The following WNT7A variants were observed in gnomAD, a reference collection of about 807,000 sequenced individuals.
The protein encoded by WNT7A is Wnt family member 7A, also known as protein Wnt-7a.
Under a neutral mutation model 28.2 loss-of-function variants are expected in WNT7A, and 16 were observed. The observed-to-expected ratio is 0.57, with a 90% CI of 0.38 to 0.86. The LOEUF is 0.86. WNT7A is among the 40% of genes least tolerant of loss of function. The pLI is 0.00. For synonymous variants in WNT7A, 190 were observed against 195.9 expected (o/e 0.97, Z 0.25); for missense variants, 411 against 489.7 (o/e 0.84, Z 1.52).
chr3:13,875,799 C>T (rs965487015), intron 1 of WNT7A: 4 of 156,168 alleles, frequency 2.6e-5, no homozygotes, highest in Non-Finnish European at 4.3e-5. Context: ...TATCCCACTC[C>T]GGGCATGACT....
intron 3 of WNT7A, among the ~76,000 whole-genome samples, chr3:13,828,628 G>C (rs927077163): frequency 3.3e-5 from 5 of 152,178 alleles, no homozygotes; most frequent in Non-Finnish European, 7.3e-5. Flanking sequence ...GGACTGGTTT[G>C]CCTAAAAAGG....
At chr3:13,860,140 G>A (rs1325144790) in intron 2 of WNT7A, among the ~76,000 whole-genome samples, 1 of 152,162 alleles carries the variant, frequency 6.6e-6, no homozygotes, top group African/African-American at 2.4e-5. Context: ...CCCATGCTTG[G>A]TCCTCTGTGA....
chr3:13,841,825 G>C (rs536730687), intron 3 of WNT7A, among the ~76,000 whole-genome samples: 1 of 152,176 alleles, frequency 6.6e-6, no homozygotes, highest in African/African-American at 2.4e-5. Flanking sequence ...AAAACAAAAC[G>C]TGGAAGGGAA....
chr3:13,832,446 C>T (rs1350016403), intron 3 of WNT7A, among the ~76,000 whole-genome samples: 1 of 149,088 alleles, frequency 6.7e-6, no homozygotes, highest in Non-Finnish European at 1.5e-5. Context: ...TCAAGCTTCT[C>T]CTTCTTCCCA....
intron 2 of WNT7A, among the ~76,000 whole-genome samples, chr3:13,869,311 A>AAGAGGGAGGGAGGGAG (rs1222875938): frequency 1.5e-5 from 2 of 137,754 alleles, no homozygotes; most frequent in Non-Finnish European, 3.1e-5. Context: ...GGAAGAGGGA[A>AAGAGGGAGGGAGGGAG]AGAGGGAGGG....
At chr3:13,854,838 T>C in intron 2 of WNT7A, 35 bp from the exon 3 acceptor site, 1 of 1,608,366 alleles carries the variant, frequency 6.2e-7, no homozygotes, top group East Asian at 2.2e-5. Context: ...CAAGTTGGGG[T>C]CAGGTCCCAA....
chr3:13,860,283 C>A (rs770470054), intron 2 of WNT7A, among the ~76,000 whole-genome samples: 5 of 152,020 alleles, frequency 3.3e-5, no homozygotes, highest in Non-Finnish European at 7.4e-5. Context: ...AATTCAAGGC[C>A]CAAGTTGGTC....
intron 2 of WNT7A, among the ~76,000 whole-genome samples, chr3:13,855,840 A>T (rs1442397442): frequency 6.6e-6 from 1 of 152,016 alleles, no homozygotes; most frequent in Non-Finnish European, 1.5e-5. Context: ...AGGCCCTGGA[A>T]CCCAGAGCAG....
Position 13,879,766 on chromosome 3 carries a change from G to A in WNT7A, c.51C>T (p.Gly17=). ...CTTACCCGATCCGGAGGTAGACCAT[G>A]CCCAGGCTGAGAAAGAGGTGGCCCA... ...RCLGHLFLSL[G]MVYLRIGGFS... Residue 17 remains glycine, a synonymous_variant, in exon 1 of 4, where the codon GGC becomes GGT. Coordinates refer to ENST00000285018, the MANE Select transcript of WNT7A (RefSeq NM_004625.4). 6.2e-7 allele frequency: 1 copy of A among 1,612,814 alleles called. No homozygotes were observed. Among genetic ancestry groups the A allele is most frequent in the Non-Finnish European group, 8.5e-7 (1 of 1,179,294 alleles).
In WNT7A at chr3:13,818,362, A is replaced by AAAAAAAAAAAAAAAAAAAAC. The variant is rs1694048908; in HGVS notation, c.*581_*582insGTTTTTTTTTTTTTTTTTTT. ...GTAGCAGCAAACAGCAAAAAAAAAA[A>AAAAAAAAAAAAAAAAAAAAC]AAAAAATGTGTGTGTGTATATCTAT... On this transcript the variant is annotated 3_prime_UTR_variant, in exon 4 of 4. Coordinates refer to ENST00000285018, the MANE Select transcript of WNT7A (RefSeq NM_004625.4). The AAAAAAAAAAAAAAAAAAAAC allele has an allele frequency of 6.6e-6, 1 of 150,620 alleles. No homozygotes were observed. Among genetic ancestry groups the AAAAAAAAAAAAAAAAAAAAC allele is most frequent in the Non-Finnish European group, 1.5e-5 (1 of 67,618 alleles). 9.3% of individuals were successfully genotyped at this position (150,620 alleles called of 1,614,324 possible). A position where few individuals can be genotyped will look rare whatever the true frequency, so the allele number is the denominator to read the frequency against.
At position 13,874,911 on chromosome 3, in the gene WNT7A, G is replaced by A. The variant is rs779978400; in HGVS notation, c.298+36C>T. 5 of 1,605,718 alleles carry A rather than the reference G, an allele frequency of 3.1e-6. No individual in the cohort carries two copies. In the Admixed American group the frequency reaches 8.4e-5, roughly 27 times the overall value. On this transcript the variant is annotated intron_variant, in intron 2 of 3. Coordinates refer to ENST00000285018, the MANE Select transcript of WNT7A (RefSeq NM_004625.4). ...GGGTATTCTGGTGTCCCTAGAGCCG[G>A]TAAGACTCTGCGGGGGTGTTTGGGT...
At chr3:13,824,947 G>A (rs1694170148) in intron 3 of WNT7A, among the ~76,000 whole-genome samples, 1 of 152,196 alleles carries the variant, frequency 6.6e-6, no homozygotes, top group African/African-American at 2.4e-5. Context: ...CCCTATAGCT[G>A]CTAAAGAGAA....
In WNT7A at chr3:13,875,013, G is replaced by A. The variant is rs756214872; in HGVS notation, c.232C>T (p.Arg78Cys). 4.3e-6 allele frequency: 7 copies of A among 1,614,206 alleles called. No homozygotes were observed. Among genetic ancestry groups the A allele is most frequent in the Non-Finnish European group, 5.1e-6 (6 of 1,180,048 alleles). The change falls in exon 2 of 4, where the codon CGC (arginine) becomes TGC (cysteine). Residue 78 changes from arginine (R) to cysteine (C), a missense_variant. By Grantham distance (180) the Arg-to-Cys change is radical (BLOSUM62 -3). Coordinates refer to ENST00000285018, the MANE Select transcript of WNT7A (RefSeq NM_004625.4). Reference sequence around the variant, plus strand: ...GCAGAGCAGTTCCAGCGGCCATTGCGGAACTGAAACTGACACTCGTCCAGG... The same window carrying A: ...GCAGAGCAGTTCCAGCGGCCATTGCAGAACTGAAACTGACACTCGTCCAGG... ...MGLDECQFQF[R>C]NGRWNCSALG...
At chr3:13,864,193 C>T (rs1191275197) in intron 2 of WNT7A, among the ~76,000 whole-genome samples, 1 of 152,178 alleles carries the variant, frequency 6.6e-6, no homozygotes, top group Non-Finnish European at 1.5e-5. Flanking sequence ...TAGCAATGTT[C>T]TGTGTGTGCA....
chr3:13,879,346 G>T (rs1270524304), intron 1 of WNT7A, among the ~76,000 whole-genome samples: 1 of 152,190 alleles, frequency 6.6e-6, no homozygotes, highest in East Asian at 1.9e-4. Context: ...CGGGCTCCGG[G>T]GACTGAGCTC....
At chr3:13,837,466 A>T (rs1694388940) in intron 3 of WNT7A, among the ~76,000 whole-genome samples, 1 of 151,492 alleles carries the variant, frequency 6.6e-6, no homozygotes, top group Admixed American at 6.6e-5. Context: ...CAGAGCCCCC[A>T]TCTGCTGTAT....
chr3:13,857,278 C>T (rs898733574), intron 2 of WNT7A, among the ~76,000 whole-genome samples: 5 of 152,146 alleles, frequency 3.3e-5, no homozygotes, highest in African/African-American at 1.2e-4. Context: ...CTGAGCTCTG[C>T]CAAGGAGGGA....
chr3:13,827,226 T>G (rs1694209665), intron 3 of WNT7A, among the ~76,000 whole-genome samples: 1 of 152,180 alleles, frequency 6.6e-6, no homozygotes, highest in African/African-American at 2.4e-5. Flanking sequence ...AGAGGGTTGC[T>G]GGTGAGGTAA....
rs147107408 is a variant in WNT7A, at chr3:13,853,767, G to A, written c.570+765C>T. On this transcript the variant is annotated intron_variant, in intron 3 of 3. Coordinates refer to ENST00000285018, the MANE Select transcript of WNT7A (RefSeq NM_004625.4). ...CTGACCCTGACTTGCTGCGGGCCAC[G>A]TGCTATTCTCTCCTTTAATTCTCAC... Among the ~76,000 whole-genome samples the A allele has an allele frequency of 4.8e-3, 727 of 152,302 alleles. 2 individuals are homozygous for A. The highest frequency in any genetic ancestry group is 0.017 in the Middle Eastern group (5 of 292).
Sources: gnomAD v4.1 joint callset for allele counts (sites outside exome capture counted in the v4.1 genomes callset) on GRCh38, gnomAD v4.1.1 for gene constraint, MANE v1.5 for transcripts, NCBI Gene and HGNC (gene_info 2026-07-23, HGNC 2026-07-21) for gene names.